Variants in CRISPLD2 observed in about 807,000 individuals in gnomAD.
The protein encoded by CRISPLD2 is cysteine-rich secretory protein LCCL domain-containing 2.
In CRISPLD2, 47 loss-of-function variants were observed where a neutral mutation model predicts 71.1. That is an observed-to-expected ratio of 0.66 (90% CI 0.52 to 0.84). The LOEUF is 0.84. CRISPLD2 is among the 40% of genes least tolerant of loss of function. The pLI, the probability that CRISPLD2 is intolerant of heterozygous loss-of-function variation, is 0.00. For missense variants in CRISPLD2, 830 were observed against 651.1 expected (o/e 1.27, Z -2.99); for synonymous variants, 317 against 250.1 (o/e 1.27, Z -2.52).
At chr16:84,825,488 G>A (rs1038781909) in intron 1 of CRISPLD2, among the ~76,000 whole-genome samples, 2 of 152,182 alleles carry the variant, frequency 1.3e-5, no homozygotes, top group Non-Finnish European at 2.9e-5. Flanking sequence ...CAGCGCAGTG[G>A]CGTACACCTA....
chr16:84,887,217 G>T (rs1000437280), intron 13 of CRISPLD2, among the ~76,000 whole-genome samples: 2 of 152,194 alleles, frequency 1.3e-5, no homozygotes, highest in East Asian at 1.9e-4. Flanking sequence ...CCCTCCTGCT[G>T]AGTGACCCAT....
chr16:84,877,940 G>T (rs2071534211), intron 12 of CRISPLD2, among the ~76,000 whole-genome samples: 1 of 151,792 alleles, frequency 6.6e-6, no homozygotes, highest in Non-Finnish European at 1.5e-5. Flanking sequence ...GCCGGGCACG[G>T]TGGCTCACGC....
At position 84,838,531 on chromosome 16, in the gene CRISPLD2, G is replaced by A. The variant is rs760335963; in HGVS notation, c.36G>A (p.Gly12=). The A allele has an allele frequency of 3.7e-6, 6 of 1,614,208 alleles. No individual in the cohort carries two copies. The highest frequency in any genetic ancestry group is 5.1e-6 in the Non-Finnish European group (6 of 1,180,040). ...TCCTGGGTGGTGTCATCCCCTTGGG[G>A]CTGCTGTTCCTGGTCTGCGGATCCC... The part of the protein sequence containing the change: ...SCVLGGVIPL[G]LLFLVCGSQG... The change falls in exon 2 of 15, where the codon GGG becomes GGA. Residue 12 remains glycine, a synonymous_variant. Coordinates refer to ENST00000262424, the MANE Select transcript of CRISPLD2 (RefSeq NM_031476.4).
chr16:84,873,460 A>G (rs536831906), intron 10 of CRISPLD2: 78 of 166,776 alleles, frequency 4.7e-4, no homozygotes, highest in Non-Finnish European at 8.4e-4. Context: ...CCTGGCCAAC[A>G]CAGCAAAACT....
At chr16:84,844,327 T>C (rs1336784423) in intron 2 of CRISPLD2, among the ~76,000 whole-genome samples, 1 of 152,248 alleles carries the variant, frequency 6.6e-6, no homozygotes, top group African/African-American at 2.4e-5. Flanking sequence ...AGACGTCTCT[T>C]GTCAATTTCT....
chr16:84,896,677 C>T (rs1328375662), intron 14 of CRISPLD2, among the ~76,000 whole-genome samples: 6 of 152,100 alleles, frequency 3.9e-5, no homozygotes, highest in South Asian at 4.1e-4. Flanking sequence ...AGTGCATTTC[C>T]GATGTGGACT....
At position 84,872,517 on chromosome 16, in the gene CRISPLD2, GGC is replaced by G; in HGVS notation, c.981+10_981+11del. 2 of 1,611,474 alleles carry G rather than the reference GGC, an allele frequency of 1.2e-6. No individual in the cohort carries two copies. The highest frequency in any genetic ancestry group is 1.7e-6 in the Non-Finnish European group (2 of 1,178,156). ...CTCTGTTCTATGAAAGCGTGAGTGT[GGC>G]CAGTCCTCCTCTCAATGGCTTGTGT... On this transcript the variant is annotated intron_variant, in intron 9 of 14. Transcript: ENST00000262424.
chr16:84,906,653 C>T lies in CRISPLD2; in HGVS notation c.*11C>T. On this transcript the variant is annotated 3_prime_UTR_variant, in exon 15 of 15. Transcript: ENST00000262424. ...GCTGTCAGGCAGTGAATTTCCAGCA[C>T]CAGGGGAGAAGGGGCGTCTTCAGGA... 2 of 1,614,088 alleles carry T rather than the reference C, an allele frequency of 1.2e-6. No individual in the cohort carries two copies. The highest frequency in any genetic ancestry group is 1.7e-6 in the Non-Finnish European group (2 of 1,179,982).
At chr16:84,831,021 T>TTACCATCCCACCACTGTTCCGGCCC (rs1486553820) in intron 1 of CRISPLD2, among the ~76,000 whole-genome samples, 3 of 152,132 alleles carry the variant, frequency 2.0e-5, no homozygotes, top group African/African-American at 7.2e-5. Flanking sequence ...GGTGAACGAT[T>TTACCATCCCACCACTGTTCCGGCCC]TACCATCCCA....
intron 6 of CRISPLD2, among the ~76,000 whole-genome samples, chr16:84,859,115 C>T (rs1286580229): frequency 6.6e-6 from 1 of 152,176 alleles, no homozygotes; most frequent in African/African-American, 2.4e-5. Context: ...GCTCTAATGG[C>T]TTCTGTTTGG....
At position 84,866,765 on chromosome 16, in the gene CRISPLD2, T is replaced by G. The variant is rs1229479180; in HGVS notation, c.710-132T>G. 14 of 847,088 alleles carry G rather than the reference T, an allele frequency of 1.7e-5. No homozygotes were observed. The East Asian group carries it at 3.7e-4, about 22-fold the overall frequency. The allele number at this position is 847,088 out of a possible 1,614,324, so 52.5% of individuals were successfully genotyped here. On this transcript the variant is annotated intron_variant, in intron 6 of 14. Coordinates refer to ENST00000262424, the MANE Select transcript of CRISPLD2 (RefSeq NM_031476.4). ...TCTGTTCTGAAATGTAACTTTCTCT[T>G]TGCCGCTGAAATGATTCTTTGTAAA...
chr16:84,868,245 T>A (rs1199755785), intron 7 of CRISPLD2, among the ~76,000 whole-genome samples: 2 of 152,250 alleles, frequency 1.3e-5, no homozygotes, highest in African/African-American at 4.8e-5. Flanking sequence ...GGCCCTTGTC[T>A]GTCCAGGAGT....
At chr16:84,839,293 C>G (rs1567682061) in intron 2 of CRISPLD2, 1 of 268,820 alleles carries the variant, frequency 3.7e-6, no homozygotes, top group Non-Finnish European at 7.3e-6. Context: ...GGGAACACAG[C>G]TCTCAGCCTT....
chr16:84,839,839 G>C (rs1319243332), intron 2 of CRISPLD2: 1 of 152,118 alleles, frequency 6.6e-6, no homozygotes, highest in Non-Finnish European at 1.5e-5. Flanking sequence ...AAAAATCCAA[G>C]TTAGCCGGGC....
chr16:84,865,543 A>G (rs985560550), intron 6 of CRISPLD2, among the ~76,000 whole-genome samples: 2 of 152,180 alleles, frequency 1.3e-5, no homozygotes, highest in African/African-American at 4.8e-5. Context: ...ACCCAAATAC[A>G]TCTGTTGCCT....
intron 5 of CRISPLD2, among the ~76,000 whole-genome samples, chr16:84,853,098 C>G (rs1350221487): frequency 1.3e-5 from 2 of 152,152 alleles, no homozygotes; most frequent in Non-Finnish European, 2.9e-5. Flanking sequence ...TCTGCAGGAC[C>G]TGGTGCCCAG....
At chr16:84,884,550 T>A (rs563794096) in intron 13 of CRISPLD2, among the ~76,000 whole-genome samples, 41 of 152,304 alleles carry the variant, frequency 2.7e-4, no homozygotes, top group Admixed American at 1.1e-3. Flanking sequence ...AATACTCAGG[T>A]ATTCCTGTTG....
rs1005187527 is a variant in CRISPLD2, at chr16:84,908,209, C to T, written c.*1567C>T. 1.3e-5 allele frequency: 2 copies of T among 152,194 alleles called. No individual in the cohort carries two copies. Among genetic ancestry groups the T allele is most frequent in the Non-Finnish European group, 2.9e-5 (2 of 68,040 alleles). 9.4% of individuals were successfully genotyped at this position (152,194 alleles called of 1,614,324 possible). A position where few individuals can be genotyped will look rare whatever the true frequency, so the allele number is the denominator to read the frequency against. On this transcript the variant is annotated 3_prime_UTR_variant, in exon 15 of 15. Coordinates refer to ENST00000262424, the MANE Select transcript of CRISPLD2 (RefSeq NM_031476.4). The stretch of plus-strand genomic sequence containing the variant: ...AGGTTTAAAACAAAACAAAAACCCA[C>T]CCCTTTAAGGAGTTGGTAAAAAGCA...
intron 5 of CRISPLD2, among the ~76,000 whole-genome samples, chr16:84,850,935 T>TC (rs11435701): frequency 0.63 from 95,485 of 151,928 alleles, 30,956 homozygotes; most frequent in East Asian, 0.8. Context: ...ACATCACATC[T>TC]CCCCAAGCAC....
Sources: gnomAD v4.1 joint callset for allele counts (sites outside exome capture counted in the v4.1 genomes callset) on GRCh38, gnomAD v4.1.1 for gene constraint, MANE v1.5 for transcripts, NCBI Gene and HGNC (gene_info 2026-07-23, HGNC 2026-07-21) for gene names.